The following HTR1F variants were observed in gnomAD, a reference collection of about 807,000 sequenced individuals.
HTR1F encodes the protein 5-hydroxytryptamine (serotonin) receptor 1F, G protein-coupled.
Under a neutral mutation model 24.0 loss-of-function variants are expected in HTR1F, and 17 were observed. The ratio of observed to expected loss-of-function variants is 0.71; its 90% confidence interval spans 0.48 to 1.06. The LOEUF (loss-of-function observed/expected upper bound fraction) is 1.06. Ranked by LOEUF, HTR1F falls within the 50% of genes least tolerant of loss-of-function variation. HTR1F has a pLI of 0.00. For synonymous variants in HTR1F, 186 were observed against 156.8 expected, an observed-to-expected ratio of 1.19 and a Z score of -1.39; for missense variants, 391 against 427.8, an observed-to-expected ratio of 0.91 and a Z score of 0.76.
chr3:87,826,065 T>C (rs976322951), intron 2 of HTR1F, among the ~76,000 whole-genome samples: 1 of 152,250 alleles, frequency 6.6e-6, no homozygotes, highest in African/African-American at 2.4e-5. Flanking sequence ...GAATGCTCAC[T>C]AGAGGATAAT....
chr3:87,982,061 T>A (rs1388610059), intron 2 of HTR1F, among the ~76,000 whole-genome samples: 9 of 152,108 alleles, frequency 5.9e-5, no homozygotes, highest in Non-Finnish European at 1.0e-4. Context: ...TAGCTGGGAT[T>A]ACAGGCAACT....
chr3:87,918,687 G>C (rs1394851556), intron 2 of HTR1F, among the ~76,000 whole-genome samples: 3 of 151,818 alleles, frequency 2.0e-5, no homozygotes, highest in Non-Finnish European at 4.4e-5. Context: ...AACCTCTAAA[G>C]GAAAACTACG....
chr3:87,901,398 C>A (rs1470013807), intron 2 of HTR1F, among the ~76,000 whole-genome samples: 1 of 152,014 alleles, frequency 6.6e-6, no homozygotes, highest in African/African-American at 2.4e-5. Context: ...GAGAAAAAAA[C>A]AGCCATCTGC....
intron 2 of HTR1F, among the ~76,000 whole-genome samples, chr3:87,885,239 C>T (rs12634650): frequency 0.12 from 18,136 of 152,154 alleles, 1,373 homozygotes; most frequent in African/African-American, 0.21. Flanking sequence ...TCTTGAATGA[C>T]TACTGGGTAG....
intron 2 of HTR1F, among the ~76,000 whole-genome samples, chr3:87,823,516 A>ATTTTTTTTTTT (rs199538588): frequency 7.2e-6 from 1 of 139,336 alleles, no homozygotes; most frequent in Non-Finnish European, 1.6e-5. Flanking sequence ...CTGGTCCCAT[A>ATTTTTTTTTTT]TTTTTTTTTT....
chr3:87,931,317 T>C lies in HTR1F; in HGVS notation c.-42-59391T>C, dbSNP rs1342004153. Among the ~76,000 whole-genome samples the C allele has an allele frequency of 3.9e-5, 6 of 152,246 alleles. 1 individual carries two copies. The highest frequency in any genetic ancestry group is 4.1e-4 in the South Asian group (2 of 4,826). On this transcript the variant is annotated intron_variant, in intron 2 of 2. Coordinates refer to ENST00000319595, the MANE Select transcript of HTR1F (RefSeq NM_001322209.2). ...TGCGGTGTTTGGTTTTTTGTCCTTGTGATAGTTTACTTAGAATGATGATTT... is the reference window on the plus strand; with the variant it reads ...TGCGGTGTTTGGTTTTTTGTCCTTGCGATAGTTTACTTAGAATGATGATTT...
chr3:87,937,053 A>C (rs189300204), intron 2 of HTR1F, among the ~76,000 whole-genome samples: 2 of 147,676 alleles, frequency 1.4e-5, no homozygotes, highest in East Asian at 4.0e-4. Flanking sequence ...TGTACAAAGA[A>C]GAGCTGGTAC....
chr3:87,888,452 G>T (rs1706007744), intron 2 of HTR1F, among the ~76,000 whole-genome samples: 1 of 151,714 alleles, frequency 6.6e-6, no homozygotes, highest in Non-Finnish European at 1.5e-5. Context: ...ATGTACCCTA[G>T]AACTTAAAGT....
chr3:87,924,209 G>A (rs1456294230), intron 2 of HTR1F, among the ~76,000 whole-genome samples: 1 of 151,896 alleles, frequency 6.6e-6, no homozygotes, highest in Non-Finnish European at 1.5e-5. Context: ...GTTTCTTCCT[G>A]TTCAGTGATG....
chr3:87,821,132 T>G (rs1231565730), intron 1 of HTR1F, among the ~76,000 whole-genome samples: 1 of 152,202 alleles, frequency 6.6e-6, no homozygotes, highest in African/African-American at 2.4e-5. Context: ...TGATGTTTAT[T>G]TTTGGTGCAC....
rs1235830642 is a variant in HTR1F, at chr3:87,802,082, CCCTCCCTCCCT to C, written c.-160+9254_-160+9264del. ...CTTTTCTTTCTTTCCCTCCCTCCTT[CCCTCCCTCCCT>C]CCTCCCTCCCTCCCTCCCTTCCTTT... On this transcript the variant is annotated intron_variant, in intron 1 of 2. Transcript: ENST00000319595. 5.9e-5 allele frequency among the ~76,000 whole-genome samples: 4 copies of C among 68,208 alleles called. No homozygotes were observed. In the Admixed American group the frequency reaches 6.4e-4, roughly 11 times the overall value. 44.7% of individuals were successfully genotyped at this position (68,208 alleles called of 152,430 possible). A position where few individuals can be genotyped will look rare whatever the true frequency, so the allele number is the denominator to read the frequency against.
chr3:87,905,257 C>T (rs1906913), intron 2 of HTR1F, among the ~76,000 whole-genome samples: 1 of 151,694 alleles, frequency 6.6e-6, no homozygotes, highest in Non-Finnish European at 1.5e-5. Context: ...CTGCAGTGAG[C>T]TATGATCACG....
intron 2 of HTR1F, among the ~76,000 whole-genome samples, chr3:87,849,646 G>T (rs1158665813): frequency 1.3e-5 from 2 of 151,802 alleles, no homozygotes; most frequent in Non-Finnish European, 2.9e-5. Flanking sequence ...CACAGCAAAA[G>T]AAACCACCAT....
chr3:87,973,204 G>A (rs1705323440), intron 2 of HTR1F, among the ~76,000 whole-genome samples: 1 of 151,878 alleles, frequency 6.6e-6, no homozygotes, highest in African/African-American at 2.4e-5. Context: ...CCCTATCATG[G>A]ACTCTAATTT....
At chr3:87,805,062 A>G (rs1244465468) in intron 1 of HTR1F, among the ~76,000 whole-genome samples, 2 of 152,090 alleles carry the variant, frequency 1.3e-5, no homozygotes, top group African/African-American at 4.8e-5. Context: ...GTTATGAAAT[A>G]TTAATTTTAC....
At chr3:87,935,071 TTGCCCAGGC>T (rs1389811211) in intron 2 of HTR1F, among the ~76,000 whole-genome samples, 3 of 152,172 alleles carry the variant, frequency 2.0e-5, no homozygotes, top group African/African-American at 7.2e-5. Flanking sequence ...TCTCACTACA[TTGCCCAGGC>T]TGGTCTTGAA....
chr3:87,877,836 G>A (rs1181381108), intron 2 of HTR1F, among the ~76,000 whole-genome samples: 1 of 152,142 alleles, frequency 6.6e-6, no homozygotes, highest in East Asian at 1.9e-4. Context: ...CTTTGGGTAA[G>A]GATAAGAGAA....
intron 2 of HTR1F, among the ~76,000 whole-genome samples, chr3:87,874,251 C>CA (rs753741142): frequency 3.9e-4 from 59 of 150,896 alleles, no homozygotes; most frequent in Admixed American, 9.2e-4. Flanking sequence ...CACACACATA[C>CA]AAAAAAAAAT....
intron 2 of HTR1F, among the ~76,000 whole-genome samples, chr3:87,922,479 G>A (rs1020315368): frequency 1.3e-5 from 2 of 151,750 alleles, no homozygotes; most frequent in Non-Finnish European, 1.5e-5. Context: ...CTTCACTCCG[G>A]TGATTGTTAC....
Sources: gnomAD v4.1 joint callset for allele counts (sites outside exome capture counted in the v4.1 genomes callset) on GRCh38, gnomAD v4.1.1 for gene constraint, MANE v1.5 for transcripts, NCBI Gene and HGNC (gene_info 2026-07-23, HGNC 2026-07-21) for gene names.